Variants in NAV3 observed in about 807,000 individuals in gnomAD.
NAV3 encodes the protein neuron navigator 3.
A neutral mutation model predicts 244.7 loss-of-function variants in NAV3; 87 were observed. That is an observed-to-expected ratio of 0.36 (90% confidence interval 0.30 to 0.42). NAV3 has a LOEUF of 0.42. NAV3 is among the 20% of genes least tolerant of loss of function. The pLI is 1.00. For missense variants in NAV3, 2,663 were observed against 2,893.3 expected (o/e 0.92, Z 1.83); for synonymous variants, 1,126 against 1,042.2 (o/e 1.08, Z -1.55).
chr12:77,922,657 G>A (rs1376711504), intron 1 of NAV3, among the ~76,000 whole-genome samples: 2 of 152,112 alleles, frequency 1.3e-5, no homozygotes, highest in African/African-American at 4.8e-5. Context: ...TCCTCAACCA[G>A]AAACTTCTTG....
At chr12:78,182,898 T>C (rs568267273) in intron 30 of NAV3, among the ~76,000 whole-genome samples, 13 of 152,122 alleles carry the variant, frequency 8.5e-5, no homozygotes, top group African/African-American at 2.9e-4. Flanking sequence ...AAACTGCCTT[T>C]ATGCTGGGGC....
chr12:77,592,623 T>C (rs17792514), intron 2 of NAV3, among the ~76,000 whole-genome samples: 33,553 of 152,148 alleles, frequency 0.22, 3,821 homozygotes, highest in Admixed American at 0.26. Flanking sequence ...GTCCTGCAGC[T>C]TAGCAGTTGT....
At chr12:78,186,819 G>A (rs1472519013) in intron 31 of NAV3, among the ~76,000 whole-genome samples, 1 of 151,806 alleles carries the variant, frequency 6.6e-6, no homozygotes, top group African/African-American at 2.4e-5. Flanking sequence ...CTAAGATCAA[G>A]GTGCTAGCTG....
At chr12:77,631,212 A>C (rs1328964037) in intron 2 of NAV3, among the ~76,000 whole-genome samples, 1 of 152,150 alleles carries the variant, frequency 6.6e-6, no homozygotes, top group Non-Finnish European at 1.5e-5. Flanking sequence ...TGAATTTCTA[A>C]ATGGCCTACT....
intron 2 of NAV3, among the ~76,000 whole-genome samples, chr12:77,685,924 T>C (rs750922805): frequency 2.0e-5 from 3 of 152,210 alleles, no homozygotes; most frequent in Admixed American, 6.6e-5. Flanking sequence ...GCATATGCTG[T>C]AGGCACAGAG....
intron 2 of NAV3, among the ~76,000 whole-genome samples, chr12:77,696,797 T>A (rs1480279151): frequency 6.6e-6 from 1 of 152,170 alleles, no homozygotes; most frequent in African/African-American, 2.4e-5. Context: ...CTGTTTATAA[T>A]CTAATGCTTG....
intron 3 of NAV3, among the ~76,000 whole-genome samples, chr12:77,959,843 C>A (rs991007158): frequency 2.4e-5 from 3 of 126,218 alleles, no homozygotes; most frequent in Non-Finnish European, 3.1e-5. Flanking sequence ...CTGTTGTGAT[C>A]GTGTTTTGGT....
chr12:78,188,876 T>C (rs1370700807), intron 33 of NAV3, 99 bp downstream of exon 33: 4 of 1,126,134 alleles, frequency 3.6e-6, no homozygotes, highest in Non-Finnish European at 5.0e-6. Context: ...AAAATTTTTC[T>C]ATTTGAAAAC....
intron 1 of NAV3, among the ~76,000 whole-genome samples, chr12:77,835,116 C>T (rs1178786192): frequency 6.6e-6 from 1 of 152,160 alleles, no homozygotes; most frequent in Non-Finnish European, 1.5e-5. Flanking sequence ...TGGTTGCCAT[C>T]ATCGATTTGT....
At chr12:77,966,386 G>A in intron 4 of NAV3, 85 bp downstream of exon 4, 1 of 1,115,634 alleles carries the variant, frequency 9.0e-7, no homozygotes, top group Non-Finnish European at 1.3e-6. Flanking sequence ...TAACATTGGA[G>A]TATACGTCTC....
intron 11 of NAV3, among the ~76,000 whole-genome samples, chr12:78,053,218 A>AAT (rs776668829): frequency 0.03 from 4,474 of 149,168 alleles, 127 homozygotes; most frequent in African/African-American, 0.078. Flanking sequence ...TCCGTCTAAA[A>AAT]ATATATATAT....
intron 2 of NAV3, among the ~76,000 whole-genome samples, chr12:77,762,143 C>T (rs986624591): frequency 6.6e-6 from 1 of 152,122 alleles, no homozygotes; most frequent in African/African-American, 2.4e-5. Context: ...ATGGATGAAG[C>T]TGGAAACCAT....
intron 16 of NAV3, among the ~76,000 whole-genome samples, chr12:78,123,409 C>T (rs1413175025): frequency 6.6e-6 from 1 of 151,630 alleles, no homozygotes; most frequent in Non-Finnish European, 1.5e-5. Flanking sequence ...AGACCTTCAG[C>T]CTTACTCCCG....
At chr12:78,166,077 A>G (rs1423179353) in intron 23 of NAV3, among the ~76,000 whole-genome samples, 2 of 151,952 alleles carry the variant, frequency 1.3e-5, no homozygotes, top group Non-Finnish European at 2.9e-5. Flanking sequence ...TCATCCCAAT[A>G]TTTATGGAGA....
intron 12 of NAV3, among the ~76,000 whole-genome samples, chr12:78,065,549 G>A (rs1049791434): frequency 6.6e-6 from 1 of 152,132 alleles, no homozygotes; most frequent in African/African-American, 2.4e-5. Context: ...ACCAGGGTTA[G>A]CTGATATTTT....
chr12:77,956,338 C>T lies in NAV3; in HGVS notation c.415-9891C>T, dbSNP rs549972980. ...ATAGCACAAGTCACAAAAGAATCTA[C>T]CTTCCCGAAATATCCAAAGTTAGGA... On this transcript the variant is annotated intron_variant, in intron 3 of 39. Transcript: ENST00000397909. Among the ~76,000 whole-genome samples the T allele has an allele frequency of 3.8e-4, 58 of 152,224 alleles. No individual in the cohort carries two copies. In the Middle Eastern group the frequency reaches 0.01, roughly 27 times the overall value.
At chr12:77,682,466 G>A (rs1056684293) in intron 2 of NAV3, among the ~76,000 whole-genome samples, 2 of 152,136 alleles carry the variant, frequency 1.3e-5, no homozygotes, top group Non-Finnish European at 2.9e-5. Flanking sequence ...ATGGACATGG[G>A]AGGACAGATA....
intron 12 of NAV3, among the ~76,000 whole-genome samples, chr12:78,110,998 A>T (rs1955066103): frequency 6.6e-6 from 1 of 152,044 alleles, no homozygotes; most frequent in Non-Finnish European, 1.5e-5. Flanking sequence ...ATGGAAAGGT[A>T]GGTAGGAAAC....
chr12:78,022,240 CA>C (rs1877277652), intron 9 of NAV3, among the ~76,000 whole-genome samples: 1 of 152,086 alleles, frequency 6.6e-6, no homozygotes, highest in Admixed American at 6.6e-5. Context: ...AACATCTCTA[CA>C]GGGTGGCTTC....
Sources: allele counts gnomAD v4.1 joint callset (sites outside exome capture counted in the v4.1 genomes callset), GRCh38; gene constraint gnomAD v4.1.1; transcripts MANE v1.5; gene names NCBI Gene and HGNC (gene_info 2026-07-23, HGNC 2026-07-21).